LRTM2: variants seen among roughly 807,000 people sequenced by gnomAD.
The protein encoded by LRTM2 is leucine-rich repeat and transmembrane domain-containing protein 2.
In LRTM2, 18 loss-of-function variants were observed where a neutral mutation model predicts 28.1. That is an observed-to-expected ratio of 0.64 (90% CI 0.44 to 0.95). The LOEUF (loss-of-function observed/expected upper bound fraction) is 0.95. LRTM2 is among the 40% of genes least tolerant of loss of function. The pLI is 0.00. For synonymous variants in LRTM2, 250 were observed against 218.7 expected (o/e 1.14, Z -1.26); for missense variants, 436 against 497.2 (o/e 0.88, Z 1.17).
At chr12:1,823,530 T>G (rs1864195659) in intron 1 of LRTM2, among the ~76,000 whole-genome samples, 1 of 152,048 alleles carries the variant, frequency 6.6e-6, no homozygotes, top group Non-Finnish European at 1.5e-5. Flanking sequence ...TGGAACCCCC[T>G]GCTCCTACTG....
rs1372359881 is a variant in LRTM2, at chr12:1,834,298, G to T, written c.690G>T (p.Leu230=). ...GGRLDQLACT[L]PKELRGKDMR... is the part of the protein sequence containing the mutation. ...GCTTGGACCAGCTTGCCTGCACCCT[G>T]CCCAAGGAGCTGAGGGGGAAGGACA... is the stretch of plus-strand genomic sequence containing the variant. The change falls in exon 5 of 5, where the codon CTG becomes CTT. Residue 230 remains leucine, a synonymous_variant. Transcript: ENST00000299194. This position sits in a 1 kb window ranked among gnomAD's most constrained non-coding sequence, Gnocchi z 7.6. 1 of 1,601,510 alleles carries T rather than the reference G, an allele frequency of 6.2e-7. No individual in the cohort carries two copies. The highest frequency in any genetic ancestry group is 2.2e-5 in the East Asian group (1 of 44,676).
At chr12:1,826,144 C>T (rs1323035710) in intron 1 of LRTM2, among the ~76,000 whole-genome samples, 1 of 152,148 alleles carries the variant, frequency 6.6e-6, no homozygotes, top group African/African-American at 2.4e-5. Context: ...GCTGACACCC[C>T]TCTCCTCTGG....
rs144921500 is a variant in LRTM2, at chr12:1,834,061, G to A, written c.659-206G>A. 2.0e-5 allele frequency among the ~76,000 whole-genome samples: 3 copies of A among 152,198 alleles called. No individual in the cohort carries two copies. The highest frequency in any genetic ancestry group is 4.8e-5 in the African/African-American group (2 of 41,448). ...GGCTTCTGCGAGGATGAAATGGCAC[G>A]ATATACGTAACTCACTGTGGACTTG... is the stretch of plus-strand genomic sequence containing the variant. On this transcript the variant is annotated intron_variant, in intron 4 of 4. Transcript: ENST00000299194. This position sits in a 1 kb window ranked among gnomAD's most constrained non-coding sequence, Gnocchi z 7.6.
intron 1 of LRTM2, among the ~76,000 whole-genome samples, chr12:1,823,506 C>G (rs1328938912): frequency 1.3e-5 from 2 of 152,122 alleles, no homozygotes; most frequent in African/African-American, 2.4e-5. Flanking sequence ...CTACAGCCCA[C>G]TCAGCTCCGC....
In LRTM2 at chr12:1,828,345, T is replaced by C. The variant is rs10437823; in HGVS notation, c.67+130T>C. ...AGGCCTACGCCAGATCTTCCTGGGG[T>C]ACCCGAGGCTATGTTCTGGGAAGCC... On this transcript the variant is annotated intron_variant, in intron 3 of 4. Transcript: ENST00000299194. The surrounding 1 kb of genome is among the most constrained non-coding windows in gnomAD (Gnocchi z 4.2). 458,138 of 747,482 alleles carry C rather than the reference T, an allele frequency of 0.61. 142,622 individuals carry two copies. The highest frequency in any genetic ancestry group is 0.71 in the African/African-American group (38,960 of 54,756). 46.3% of individuals were successfully genotyped at this position (747,482 alleles called of 1,614,324 possible).
chr12:1,831,055 C>T lies in LRTM2; in HGVS notation c.188C>T (p.Pro63Leu). Residue 63 changes from proline to leucine, a missense_variant, in exon 4 of 5, where the codon CCC (proline) becomes CTC (leucine). Coordinates refer to ENST00000299194, the MANE Select transcript of LRTM2 (RefSeq NM_001039029.3). ...DCSGLGLTTV[P>L]PDVPAATRTL... ...AGTGGCCTTGGCCTCACCACGGTGC[C>T]CCCAGACGTGCCCGCAGCCACCCGA... is the stretch of plus-strand genomic sequence containing the variant. 1.2e-6 allele frequency: 2 copies of T among 1,614,052 alleles called. No homozygotes were observed. The highest frequency in any genetic ancestry group is 1.1e-5 in the South Asian group (1 of 91,082).
chr12:1,831,517 C>A lies in LRTM2; in HGVS notation c.650C>A (p.Ser217Tyr). The change falls in exon 4 of 5, where the codon TCC (serine) becomes TAC (tyrosine). Residue 217 changes from serine (S) to tyrosine (Y), a missense_variant. Physicochemically the swap from Ser to Tyr is moderately radical, Grantham distance 144. Coordinates refer to ENST00000299194, the MANE Select transcript of LRTM2 (RefSeq NM_001039029.3). ...TTCAAACACTGGATGGAGTGGTTCT[C>A]CTACCGAGGTGAGCGCAGCCGGCCC... is the stretch of plus-strand genomic sequence containing the variant. Reference protein sequence around the residue: ...REFKHWMEWFSYRGGRLDQLA... With the variant: ...REFKHWMEWFYYRGGRLDQLA... 1 of 1,612,044 alleles carries A rather than the reference C, an allele frequency of 6.2e-7. No homozygotes were observed. Among genetic ancestry groups the A allele is most frequent in the South Asian group, 1.1e-5 (1 of 91,016 alleles).
At chr12:1,832,564 T>TA (rs1864681245) in intron 4 of LRTM2, among the ~76,000 whole-genome samples, 1 of 152,258 alleles carries the variant, frequency 6.6e-6, no homozygotes, top group South Asian at 2.1e-4. Flanking sequence ...GTTAAAGTCT[T>TA]ACTACTTTCA....
At position 1,827,832 on chromosome 12, in the gene LRTM2, A is replaced by G. The variant is rs148779532; in HGVS notation, c.-74+238A>G. On this transcript the variant is annotated intron_variant, in intron 2 of 4. Transcript: ENST00000299194. ...TGAGGCTGGGTAGGCCCATGGGTGC[A>G]CCCCCAGCTTTGCGGCACTGTGCCC... The G allele has an allele frequency of 1.0e-3, 355 of 338,714 alleles. 4 individuals carry two copies. Among genetic ancestry groups the G allele is most frequent in the African/African-American group, 7.0e-3 (331 of 47,362 alleles). 21.0% of individuals were successfully genotyped at this position (338,714 alleles called of 1,614,324 possible).
At position 1,831,554 on chromosome 12, in the gene LRTM2, G is replaced by A. The variant is rs199876665; in HGVS notation, c.658+29G>A. 757 of 1,568,234 alleles carry A rather than the reference G, an allele frequency of 4.8e-4. 2 individuals are homozygous for A. Among genetic ancestry groups the A allele is most frequent in the South Asian group, 5.8e-4 (51 of 87,774 alleles). ...AGCGCAGCCGGCCCTGCTGGGGCCC[G>A]AGGGATTGGGACGATCACCTCTGGC... On this transcript the variant is annotated intron_variant, in intron 4 of 4. Coordinates refer to ENST00000299194, the MANE Select transcript of LRTM2 (RefSeq NM_001039029.3).
At chr12:1,827,091 A>C (rs1864363285) in intron 1 of LRTM2, among the ~76,000 whole-genome samples, 1 of 152,164 alleles carries the variant, frequency 6.6e-6, no homozygotes, top group African/African-American at 2.4e-5. Context: ...GAGCCCGTGG[A>C]GGGCGAAGGA....
rs1219833736 is a variant in LRTM2, at chr12:1,827,836, C to T, written c.-73-240C>T. 8.7e-6 allele frequency: 3 copies of T among 343,092 alleles called. No individual in the cohort carries two copies. The Admixed American group carries it at 1.4e-4, about 16-fold the overall frequency. 21.3% of individuals were successfully genotyped at this position (343,092 alleles called of 1,614,324 possible). ...GCTGGGTAGGCCCATGGGTGCACCC[C>T]CAGCTTTGCGGCACTGTGCCCGACC... On this transcript the variant is annotated intron_variant, in intron 2 of 4. Transcript: ENST00000299194.
rs895328781 is a variant in LRTM2 at position 1,829,420 on chromosome 12, T to C, written c.67+1205T>C. ...TGAGAGGGTGAGCGGAGACATGAGG[T>C]AACCCAAGATGGCCAGAAAAAGGGT... On this transcript the variant is annotated intron_variant, in intron 3 of 4. Coordinates refer to ENST00000299194, the MANE Select transcript of LRTM2 (RefSeq NM_001039029.3). The surrounding 1 kb of genome is among the most constrained non-coding windows in gnomAD (Gnocchi z 4.2). 1.3e-5 allele frequency among the ~76,000 whole-genome samples: 2 copies of C among 151,698 alleles called. No homozygotes were observed. The highest frequency in any genetic ancestry group is 4.8e-5 in the African/African-American group (2 of 41,258).
In LRTM2 at chr12:1,828,199, G is replaced by T; in HGVS notation, c.51G>T (p.Gln17His). 6.5e-7 allele frequency: 1 copy of T among 1,546,964 alleles called. No homozygotes were observed. Among genetic ancestry groups the T allele is most frequent in the Non-Finnish European group, 8.7e-7 (1 of 1,145,370 alleles). The change falls in exon 3 of 5, where the codon CAG becomes CAT. Residue 17 changes from glutamine to histidine, a missense_variant. Coordinates refer to ENST00000299194, the MANE Select transcript of LRTM2 (RefSeq NM_001039029.3). This position sits in a 1 kb window ranked among gnomAD's most constrained non-coding sequence, Gnocchi z 4.2. Reference sequence around the variant, plus strand: ...GGCAGAGGGGCAGGCTCGCCCTGCAGTGGAGGCAAGTCTCCTGTGAGTACA... The same window carrying T: ...GGCAGAGGGGCAGGCTCGCCCTGCATTGGAGGCAAGTCTCCTGTGAGTACA... The part of the protein sequence containing the change: ...SPGQRGRLAL[Q>H]WRQVSWITCW...
At chr12:1,822,992 T>C (rs4765846) in intron 1 of LRTM2, among the ~76,000 whole-genome samples, 49,845 of 152,154 alleles carry the variant, frequency 0.33, 8,481 homozygotes, top group Admixed American at 0.4. Context: ...GTGGCTCTGC[T>C]TCTCTCTGGC....
intron 1 of LRTM2, among the ~76,000 whole-genome samples, chr12:1,826,104 G>A (rs990217048): frequency 6.6e-6 from 1 of 152,062 alleles, no homozygotes; most frequent in Non-Finnish European, 1.5e-5. Context: ...TGGTGGGATC[G>A]GGAAAGAAAG....
rs1864523424 is a variant in LRTM2, at chr12:1,829,550, G to A, written c.67+1335G>A. On this transcript the variant is annotated intron_variant, in intron 3 of 4. Coordinates refer to ENST00000299194, the MANE Select transcript of LRTM2 (RefSeq NM_001039029.3). This position sits in a 1 kb window ranked among gnomAD's most constrained non-coding sequence, Gnocchi z 4.2. ...CTGGGCCAGATCTAGCCACGTGTCAGCTCTCAGCTGTCATCGATCCTCCAG... is the reference window on the plus strand; with the variant it reads ...CTGGGCCAGATCTAGCCACGTGTCAACTCTCAGCTGTCATCGATCCTCCAG... Among the ~76,000 whole-genome samples, 1 of 152,096 alleles carries A rather than the reference G, an allele frequency of 6.6e-6. No homozygotes were observed. The highest frequency in any genetic ancestry group is 1.5e-5 in the Non-Finnish European group (1 of 67,998).
chr12:1,827,275 T>TG lies in LRTM2; in HGVS notation c.-258-127dup, dbSNP rs35473074. 9.2e-3 allele frequency: 1,396 copies of TG among 151,996 alleles called. 28 individuals are homozygous for TG. Among genetic ancestry groups the TG allele is most frequent in the South Asian group, 0.013 (61 of 4,812 alleles). 9.4% of individuals were successfully genotyped at this position (151,996 alleles called of 1,614,324 possible). A position where few individuals can be genotyped will look rare whatever the true frequency, so the allele number is the denominator to read the frequency against. ...AGCCTGTGTCCCAGTTGGGAGACAC[T>TG]GGGGGGGGCAGACCCTAGAAAGGGT... On this transcript the variant is annotated intron_variant, in intron 1 of 4. Transcript: ENST00000299194.
rs866707543 is a variant in LRTM2, at chr12:1,834,125, C to G, written c.659-142C>G. 1.1e-5 allele frequency: 11 copies of G among 972,732 alleles called. No individual in the cohort carries two copies. The African/African-American group carries it at 1.1e-4, about 10-fold the overall frequency. 60.3% of individuals were successfully genotyped at this position (972,732 alleles called of 1,614,324 possible). On this transcript the variant is annotated intron_variant, in intron 4 of 4. Transcript: ENST00000299194. This position sits in a 1 kb window ranked among gnomAD's most constrained non-coding sequence, Gnocchi z 7.6. ...TGTTTTCCCTCCTCCGCTTCCTCTT[C>G]TATAGATGGTGATTCCAGGATTGAC...
Sources: allele counts gnomAD v4.1 joint callset (sites outside exome capture counted in the v4.1 genomes callset), GRCh38; gene constraint gnomAD v4.1.1; non-coding constraint Gnocchi (gnomAD v3.1); transcripts MANE v1.5; gene names NCBI Gene and HGNC (gene_info 2026-07-23, HGNC 2026-07-21).